Variants in U2SURP observed in about 807,000 individuals in gnomAD.
The protein encoded by U2SURP is U2 snRNP-associated SURP motif-containing protein.
Under a neutral mutation model 144.9 loss-of-function variants are expected in U2SURP, and 9 were observed. That is an observed-to-expected ratio of 0.06 (90% CI 0.04 to 0.11). The LOEUF (loss-of-function observed/expected upper bound fraction) is 0.11. Among genes scored for constraint, U2SURP ranks in the 10% least tolerant of loss-of-function variants. The probability of loss-of-function intolerance (pLI) is 1.00; values close to 1 mark genes in which losing one functional copy is unlikely to be tolerated. For missense variants in U2SURP, 724 were observed against 1,226.7 expected (o/e 0.59, Z 6.12); for synonymous variants, 408 against 396.8 (o/e 1.03, Z -0.33).
intron 20 of U2SURP, 192 bp from the exon 21 acceptor site, chr3:143,036,987 C>G: frequency 5.3e-6 from 3 of 563,826 alleles, no homozygotes; most frequent in Non-Finnish European, 9.1e-6. Flanking sequence ...CCAGTGAGCA[C>G]TTGGTAAATA....
At chr3:143,051,610 A>AAAG (rs1042444926) in intron 25 of U2SURP, among the ~76,000 whole-genome samples, 1 of 150,930 alleles carries the variant, frequency 6.6e-6, no homozygotes, top group African/African-American at 2.4e-5. Context: ...TGCAAAAAAA[A>AAAG]AAAAAAAAAA....
intron 24 of U2SURP, among the ~76,000 whole-genome samples, chr3:143,050,365 G>T (rs939237081): frequency 2.0e-5 from 3 of 152,116 alleles, no homozygotes; most frequent in African/African-American, 4.8e-5. Flanking sequence ...GAGCCACTGC[G>T]CCCGGCCTGG....
intron 24 of U2SURP, among the ~76,000 whole-genome samples, chr3:143,045,833 A>G (rs1189327157): frequency 6.6e-6 from 1 of 152,252 alleles, no homozygotes; most frequent in African/African-American, 2.4e-5. Context: ...TCTTAAAATT[A>G]TCTAATCTTC....
chr3:143,022,507 A>G lies in U2SURP; in HGVS notation c.863A>G (p.Glu288Gly). Residue 288 changes from glutamate to glycine, a missense_variant, in exon 11 of 28, where the codon GAA becomes GGA. Coordinates refer to ENST00000473835, the MANE Select transcript of U2SURP (RefSeq NM_001080415.2). Reference protein sequence around the residue: ...LGNINPQMNEEMLCQEFGRFG... With the variant: ...LGNINPQMNEGMLCQEFGRFG... ...TACCCTTTTTAATAGATGAATGAAG[A>G]AATGCTGTGCCAAGAATTTGGAAGA... 1 of 1,558,648 alleles carries G rather than the reference A, an allele frequency of 6.4e-7. No homozygotes were observed. Among genetic ancestry groups the G allele is most frequent in the South Asian group, 1.3e-5 (1 of 79,860 alleles).
chr3:143,038,844 A>G (rs1331420981), intron 22 of U2SURP, 50 bp from the exon 23 acceptor site: 1 of 1,401,556 alleles, frequency 7.1e-7, no homozygotes, highest in Non-Finnish European at 9.6e-7. Context: ...ACTACTGAAA[A>G]AATGCTAGTT....
chr3:143,004,974 T>C (rs1352722880), intron 1 of U2SURP, among the ~76,000 whole-genome samples: 1 of 152,192 alleles, frequency 6.6e-6, no homozygotes, highest in African/African-American at 2.4e-5. Context: ...CCTTAGAATT[T>C]AATTTATAAA....
chr3:143,052,192 C>T (rs538925675), intron 25 of U2SURP, among the ~76,000 whole-genome samples: 3 of 152,140 alleles, frequency 2.0e-5, no homozygotes, highest in Non-Finnish European at 4.4e-5. Flanking sequence ...GTCAGGAGTT[C>T]AAGACCAGCC....
chr3:143,027,009 C>T, intron 13 of U2SURP, 140 bp from the exon 14 acceptor site: 3 of 636,056 alleles, frequency 4.7e-6, no homozygotes, highest in Non-Finnish European at 5.6e-6. Flanking sequence ...ACATATGCTC[C>T]AGGTTACTTT....
intron 1 of U2SURP, among the ~76,000 whole-genome samples, chr3:143,008,892 C>T (rs1055226902): frequency 2.6e-5 from 4 of 152,138 alleles, no homozygotes; most frequent in African/African-American, 9.7e-5. Context: ...CAGCGAGTAG[C>T]TGGGACTACA....
At chr3:143,019,925 G>C in intron 6 of U2SURP, 44 bp from the exon 7 acceptor site, 1 of 1,132,346 alleles carries the variant, frequency 8.8e-7, no homozygotes, top group African/African-American at 1.6e-5. Flanking sequence ...CATTGGTTTT[G>C]CTTATCCTTT....
intron 8 of U2SURP, 110 bp downstream of exon 8, chr3:143,020,803 G>GAT: frequency 1.3e-6 from 1 of 773,160 alleles, no homozygotes; most frequent in Non-Finnish European, 2.1e-6. Flanking sequence ...TGAAACCATG[G>GAT]ATATATACTA....
At chr3:143,044,049 G>T (rs1002315045) in intron 24 of U2SURP, among the ~76,000 whole-genome samples, 1 of 151,822 alleles carries the variant, frequency 6.6e-6, no homozygotes, top group Non-Finnish European at 1.5e-5. Context: ...CACCACACCC[G>T]GCAAGAAATC....
chr3:143,020,202 T>G (rs754569775), intron 7 of U2SURP, among the ~76,000 whole-genome samples, 166 bp downstream of exon 7: 1 of 152,328 alleles, frequency 6.6e-6, no homozygotes, highest in Middle Eastern at 3.4e-3. Flanking sequence ...GAAAATAAAT[T>G]AGCATTTAGT....
At chr3:143,049,859 C>T (rs1934758890) in intron 24 of U2SURP, among the ~76,000 whole-genome samples, 1 of 152,116 alleles carries the variant, frequency 6.6e-6, no homozygotes, top group African/African-American at 2.4e-5. Flanking sequence ...TTTTTCCTCT[C>T]CCTGTAACTG....
Position 143,027,267 on chromosome 3 carries a change from A to T in U2SURP, c.1379+14A>T, listed in dbSNP as rs775566212. On this transcript the variant is annotated intron_variant, in intron 14 of 27. Transcript: ENST00000473835. ...TCCTATGTTCAGGTGTGCATTTTTT[A>T]AAAATTGTGAAATATATGTAACATA... The T allele has an allele frequency of 5.6e-6, 9 of 1,593,176 alleles. No individual in the cohort carries two copies. The highest frequency in any genetic ancestry group is 3.3e-5 in the South Asian group (3 of 90,218).
chr3:143,038,248 C>G, intron 22 of U2SURP, 45 bp downstream of exon 22: 1 of 1,370,948 alleles, frequency 7.3e-7, no homozygotes, highest in South Asian at 1.4e-5. Flanking sequence ...AGTACTTGTA[C>G]GTTAATTATT....
intron 2 of U2SURP, 90 bp from the exon 3 acceptor site, chr3:143,012,132 A>G: frequency 1.4e-6 from 2 of 1,453,816 alleles, no homozygotes; most frequent in Non-Finnish European, 9.4e-7. Context: ...GAAATTTGTC[A>G]ATATCTGGCA....
intron 20 of U2SURP, chr3:143,036,932 A>G: frequency 2.1e-6 from 1 of 465,502 alleles, no homozygotes; most frequent in Non-Finnish European, 3.8e-6. Context: ...TAACAGGGGG[A>G]CCAAACTTGT....
rs1420432899 is a variant in U2SURP, at chr3:143,001,660, A to C, written c.32A>C (p.Lys11Thr). MADKTPGGSQ[K>T]ASSKTRSSDV... ...GACAAAACGCCAGGCGGATCTCAGA[A>C]GGCCAGTTCAAAGGTAATTTCTGAC... The change falls in exon 1 of 28, where the codon AAG (lysine) becomes ACG (threonine). Residue 11 changes from lysine to threonine, a missense_variant. Around this residue, in one of 13 missense-constraint regions of U2SURP, gnomAD observed 127 missense variants for 98.2 expected, o/e 1.29. Transcript: ENST00000473835. The C allele has an allele frequency of 1.9e-6, 3 of 1,614,008 alleles. No homozygotes were observed. The highest frequency in any genetic ancestry group is 2.5e-6 in the Non-Finnish European group (3 of 1,179,886).
Sources: allele counts gnomAD v4.1 joint callset (sites outside exome capture counted in the v4.1 genomes callset), GRCh38; gene constraint gnomAD v4.1.1; regional missense constraint gnomAD v4.1.1; transcripts MANE v1.5; gene names NCBI Gene and HGNC (gene_info 2026-07-23, HGNC 2026-07-21).